CLCA1: variants seen among roughly 807,000 people sequenced by gnomAD.
CLCA1 encodes the protein chloride channel accessory 1.
A neutral mutation model predicts 85.6 loss-of-function variants in CLCA1; 59 were observed. The observed-to-expected ratio is 0.69, with a 90% CI of 0.56 to 0.86. The LOEUF is 0.86. Ranked by LOEUF, CLCA1 falls within the 40% of genes least tolerant of loss-of-function variation. The probability of loss-of-function intolerance (pLI) is 0.00; values close to 1 mark genes in which losing one functional copy is unlikely to be tolerated. For synonymous variants in CLCA1, 396 were observed against 398.3 expected, an observed-to-expected ratio of 0.99 and a Z score of 0.07; for missense variants, 1,022 against 1,101.4, an observed-to-expected ratio of 0.93 and a Z score of 1.02.
At chr1:86,478,792 T>C (rs1647745744) in intron 4 of CLCA1, among the ~76,000 whole-genome samples, 1 of 152,250 alleles carries the variant, frequency 6.6e-6, no homozygotes, top group Non-Finnish European at 1.5e-5. Flanking sequence ...TTAAAACTTT[T>C]AATTTCAATA....
intron 3 of CLCA1, among the ~76,000 whole-genome samples, chr1:86,474,730 A>G (rs1208755723): frequency 6.6e-6 from 1 of 151,964 alleles, no homozygotes; most frequent in Admixed American, 6.6e-5. Flanking sequence ...TAAAGAAAAA[A>G]CTCCAATGAT....
intron 12 of CLCA1, among the ~76,000 whole-genome samples, chr1:86,497,093 C>T (rs1648311809): frequency 6.6e-6 from 1 of 152,204 alleles, no homozygotes. Context: ...CTAGGTCTAG[C>T]CTTATGGCAG....
intron 7 of CLCA1, among the ~76,000 whole-genome samples, chr1:86,487,823 A>T (rs1186487713): frequency 6.6e-6 from 1 of 152,168 alleles, no homozygotes; most frequent in Non-Finnish European, 1.5e-5. Flanking sequence ...CACCCAACTC[A>T]GCTGTCTTCT....
At chr1:86,479,424 A>G (rs1647759470) in intron 4 of CLCA1, among the ~76,000 whole-genome samples, 1 of 152,198 alleles carries the variant, frequency 6.6e-6, no homozygotes, top group East Asian at 1.9e-4. Flanking sequence ...CAAAATTCAT[A>G]TATAGGGTTT....
intron 3 of CLCA1, 34 bp downstream of exon 3, chr1:86,473,910 T>G (rs1246216469): frequency 5.9e-6 from 9 of 1,520,904 alleles, no homozygotes; most frequent in Non-Finnish European, 8.1e-6. Context: ...CTCATACAAT[T>G]TAACTATTTT....
chr1:86,473,153 C>T (rs962061112), intron 1 of CLCA1, among the ~76,000 whole-genome samples: 7 of 152,044 alleles, frequency 4.6e-5, no homozygotes, highest in Non-Finnish European at 2.9e-5. Flanking sequence ...TAGAAATTGC[C>T]GAATGTCCCA....
intron 5 of CLCA1, among the ~76,000 whole-genome samples, chr1:86,483,325 A>G (rs1647870168): frequency 6.6e-6 from 1 of 152,206 alleles, no homozygotes; most frequent in Non-Finnish European, 1.5e-5. Flanking sequence ...CTTCCTAAAA[A>G]GTATCCATAT....
chr1:86,494,606 A>T (rs922588936), intron 11 of CLCA1, among the ~76,000 whole-genome samples, 158 bp downstream of exon 11: 1 of 152,218 alleles, frequency 6.6e-6, no homozygotes, highest in Admixed American at 6.5e-5. Context: ...CAATTCCTAC[A>T]TTTCAAAATG....
chr1:86,496,714 G>A (rs1380561149), intron 12 of CLCA1, among the ~76,000 whole-genome samples: 1 of 152,112 alleles, frequency 6.6e-6, no homozygotes, highest in East Asian at 1.9e-4. Flanking sequence ...TGATAATAGA[G>A]GGAAATGTTT....
At chr1:86,494,112 C>A (rs1221026303) in intron 10 of CLCA1, 75 bp from the exon 11 acceptor site, 2 of 1,532,152 alleles carry the variant, frequency 1.3e-6, no homozygotes, top group African/African-American at 2.7e-5. Context: ...GAGGGTTTTC[C>A]CGTACGTGAC....
intron 1 of CLCA1, among the ~76,000 whole-genome samples, chr1:86,470,472 C>A (rs144579328): frequency 5.3e-5 from 8 of 152,236 alleles, no homozygotes; most frequent in Admixed American, 4.6e-4. Flanking sequence ...CAGCAATATG[C>A]CAGAAGGAGA....
intron 5 of CLCA1, among the ~76,000 whole-genome samples, chr1:86,483,192 A>G (rs754296699): frequency 1.3e-4 from 20 of 152,196 alleles, no homozygotes; most frequent in Non-Finnish European, 7.3e-5. Context: ...TCCCAGGCCT[A>G]TTCAGAAACT....
Position 86,476,638 on chromosome 1 carries a change from G to T in CLCA1, c.557+85G>T, listed in dbSNP as rs78185315. On this transcript the variant is annotated intron_variant, in intron 4 of 13. Coordinates refer to ENST00000394711, the MANE Select transcript of CLCA1 (RefSeq NM_001285.4). ...GAATTGATTACTTTAAAAAATGTGT[G>T]TCCTGGCTTATTTTCTAATTCAAAT... 3.2e-3 allele frequency: 1,914 copies of T among 589,940 alleles called. 42 individuals are homozygous for T. In the East Asian group the frequency reaches 0.048, roughly 15 times the overall value. 36.5% of individuals were successfully genotyped at this position (589,940 alleles called of 1,614,324 possible).
intron 8 of CLCA1, 61 bp downstream of exon 8, chr1:86,489,231 T>A: frequency 6.7e-7 from 1 of 1,501,062 alleles, no homozygotes; most frequent in Non-Finnish European, 9.1e-7. Context: ...TGAGCTCCAG[T>A]GAACTGGGGA....
intron 4 of CLCA1, among the ~76,000 whole-genome samples, chr1:86,478,394 T>C (rs1281594177): frequency 6.6e-6 from 1 of 151,388 alleles, no homozygotes; most frequent in Non-Finnish European, 1.5e-5. Context: ...ACCACTGCAC[T>C]CCAGCCTAGG....
At chr1:86,474,265 G>C (rs909094821) in intron 3 of CLCA1, among the ~76,000 whole-genome samples, 2 of 152,178 alleles carry the variant, frequency 1.3e-5, no homozygotes, top group Non-Finnish European at 2.9e-5. Flanking sequence ...GCTCTCAGAC[G>C]TGCATTCAAA....
In CLCA1 at chr1:86,469,017, C is replaced by CT. The variant is rs762906880; in HGVS notation, c.47dup (p.Glu17ArgfsTer6). ...TGTGTTCATCTTGATTCTTCACCTTCTAGAAGGGGCCCTGAGTAATTCACT... is the reference window on the plus strand; with the variant it reads ...TGTGTTCATCTTGATTCTTCACCTTCTTAGAAGGGGCCCTGAGTAATTCACT... On this transcript the variant is annotated frameshift_variant, in exon 1 of 14. Transcript: ENST00000394711. LOFTEE classifies it high-confidence loss of function. 1.7e-5 allele frequency: 27 copies of CT among 1,613,046 alleles called. No homozygotes were observed. In the South Asian group the frequency reaches 2.9e-4, roughly 17 times the overall value.
chr1:86,485,572 T>C lies in CLCA1; in HGVS notation c.954+11T>C. The C allele has an allele frequency of 6.2e-7, 1 of 1,612,094 alleles. No homozygotes were observed. Among genetic ancestry groups the C allele is most frequent in the Non-Finnish European group, 8.5e-7 (1 of 1,178,100 alleles). On this transcript the variant is annotated intron_variant, in intron 6 of 13. Coordinates refer to ENST00000394711, the MANE Select transcript of CLCA1 (RefSeq NM_001285.4). ...TCTGGAAGCATGGCGGTATGTTCAATGAGTCTTGGTCTTCTGGATGCTGGT... is the reference window on the plus strand; with the variant it reads ...TCTGGAAGCATGGCGGTATGTTCAACGAGTCTTGGTCTTCTGGATGCTGGT...
At chr1:86,470,217 T>C (rs1647464426) in intron 1 of CLCA1, among the ~76,000 whole-genome samples, 1 of 152,056 alleles carries the variant, frequency 6.6e-6, no homozygotes. Context: ...CTACAGTGTG[T>C]GGTTAGAGAA....
Sources: gnomAD v4.1 joint callset for allele counts (sites outside exome capture counted in the v4.1 genomes callset) on GRCh38, gnomAD v4.1.1 for gene constraint, MANE v1.5 for transcripts, NCBI Gene and HGNC (gene_info 2026-07-23, HGNC 2026-07-21) for gene names.